DHX8: variants seen among roughly 807,000 people sequenced by gnomAD.
DHX8 encodes DEAH-box helicase 8, also known as ATP-dependent RNA helicase DHX8.
A neutral mutation model predicts 140.7 loss-of-function variants in DHX8; 67 were observed. The observed-to-expected ratio is 0.48, with a 90% CI of 0.39 to 0.58. DHX8 has a LOEUF of 0.58. Among genes scored for constraint, DHX8 ranks in the 20% least tolerant of loss-of-function variants. DHX8 has a pLI of 0.00. For missense variants in DHX8, 887 were observed against 1,550.7 expected, an observed-to-expected ratio of 0.57 and a Z score of 7.19; for synonymous variants, 533 against 553.2, an observed-to-expected ratio of 0.96 and a Z score of 0.51.
downstream of DHX8, chr17:43,529,115 C>G: frequency 6.2e-7 from 1 of 1,612,540 alleles, no homozygotes; most frequent in Non-Finnish European, 8.5e-7. Context: ...CCACCTTGTC[C>G]CTAGACCCAC....
In DHX8 at chr17:43,498,966, A is replaced by G. The variant is rs1270724244; in HGVS notation, c.1398+7A>G. ...CCCCATTAAAATTGTCAAGGTGAGA[A>G]TTACTGGACCTTTAACCTGGAAATG... is the stretch of plus-strand genomic sequence containing the variant. On this transcript the variant is annotated splice_region_variant and intron_variant, in intron 10 of 22. Coordinates refer to ENST00000262415, the MANE Select transcript of DHX8 (RefSeq NM_004941.3). 1 of 1,578,104 alleles carries G rather than the reference A, an allele frequency of 6.3e-7. No homozygotes were observed.
chr17:43,518,498 C>T (rs1348778732), intron 18 of DHX8: 1 of 152,146 alleles, frequency 6.6e-6, no homozygotes, highest in Non-Finnish European at 1.5e-5. Context: ...TCCCTCCCAC[C>T]TAACATGGTA....
chr17:43,530,328 CA>C, downstream of DHX8: 1 of 1,480,114 alleles, frequency 6.8e-7, no homozygotes, highest in Non-Finnish European at 9.0e-7. Flanking sequence ...CTGCCAACCA[CA>C]AAATCCCAGG....
At chr17:43,530,109 A>G (rs769220923), downstream of DHX8, 1 of 1,590,836 alleles carries the variant, frequency 6.3e-7, no homozygotes, top group East Asian at 2.3e-5. Context: ...TGCCTTACCC[A>G]TGGCCCCGTC....
intron 2 of DHX8, among the ~76,000 whole-genome samples, chr17:43,531,996 G>A (rs1970962292): frequency 6.6e-6 from 1 of 152,084 alleles, no homozygotes; most frequent in South Asian, 2.1e-4. Context: ...GCTACCTGAG[G>A]GCAGGATCTA....
chr17:43,512,859 T>C (rs1303835619), intron 16 of DHX8, among the ~76,000 whole-genome samples: 1 of 152,168 alleles, frequency 6.6e-6, no homozygotes, highest in Non-Finnish European at 1.5e-5. Context: ...TGTCATCTCA[T>C]GGTTCATTTT....
At position 43,525,327 on chromosome 17, in the gene DHX8, A is replaced by C; in HGVS notation, c.*1480A>C. ...CAGACACTAAGAGAGACTATGTAACATTCCAGGATATAAAGGAATGTATGT... is the reference window on the plus strand; with the variant it reads ...CAGACACTAAGAGAGACTATGTAACCTTCCAGGATATAAAGGAATGTATGT... On this transcript the variant is annotated 3_prime_UTR_variant, in exon 23 of 23. Transcript: ENST00000262415. 1 of 985,150 alleles carries C rather than the reference A, an allele frequency of 1.0e-6. No homozygotes were observed. Among genetic ancestry groups the C allele is most frequent in the East Asian group, 1.1e-4 (1 of 8,814 alleles). The allele number at this position is 985,150 out of a possible 1,614,324, so 61.0% of individuals were successfully genotyped here. A position where few individuals can be genotyped will look rare whatever the true frequency, so the allele number is the denominator to read the frequency against.
At chr17:43,484,382 C>T (rs1384692766) in intron 1 of DHX8, among the ~76,000 whole-genome samples, 197 bp downstream of exon 1, 1 of 152,160 alleles carries the variant, frequency 6.6e-6, no homozygotes, top group Non-Finnish European at 1.5e-5. Flanking sequence ...TAGAAACTTT[C>T]CCAGAGCTGT....
intron 16 of DHX8, among the ~76,000 whole-genome samples, chr17:43,509,678 T>G (rs144508162): frequency 0.013 from 2,011 of 152,018 alleles, 41 homozygotes; most frequent in African/African-American, 0.044. Flanking sequence ...GTTTTTGTGT[T>G]TTTTTTTGAG....
intron 18 of DHX8, 135 bp from the exon 19 acceptor site, chr17:43,519,995 G>T: frequency 1.1e-6 from 1 of 902,318 alleles, no homozygotes; most frequent in Non-Finnish European, 1.7e-6. Context: ...AGCCCTGGAA[G>T]TTACCGCCAG....
downstream of DHX8, among the ~76,000 whole-genome samples, chr17:43,527,405 C>A (rs1052885964): frequency 4.6e-5 from 7 of 152,186 alleles, no homozygotes; most frequent in African/African-American, 1.7e-4. Flanking sequence ...GGAGGACATG[C>A]AATTGGGGTC....
intron 4 of DHX8, among the ~76,000 whole-genome samples, 186 bp downstream of exon 4, chr17:43,491,436 A>T (rs1968510627): frequency 6.6e-6 from 1 of 152,194 alleles, no homozygotes; most frequent in Non-Finnish European, 1.5e-5. Context: ...TGAGAATGAT[A>T]TTCAAGGGAA....
intron 9 of DHX8, among the ~76,000 whole-genome samples, chr17:43,496,690 G>C (rs1310643013): frequency 6.6e-6 from 1 of 151,884 alleles, no homozygotes; most frequent in Non-Finnish European, 1.5e-5. Flanking sequence ...TGAGGCAGGA[G>C]AATTGCTTGA....
At position 43,494,022 on chromosome 17, in the gene DHX8, C is replaced by T. The variant is rs138000343; in HGVS notation, c.1212+136C>T. On this transcript the variant is annotated intron_variant, in intron 8 of 22. Coordinates refer to ENST00000262415, the MANE Select transcript of DHX8 (RefSeq NM_004941.3). ...TCTGTTTTCACACTCCTGATAAAGA[C>T]GTACCTGAGACTGGGCAATTTACTA... is the stretch of plus-strand genomic sequence containing the variant. The T allele has an allele frequency of 3.3e-3, 2,684 of 816,994 alleles. 7 individuals are homozygous for T. Among genetic ancestry groups the T allele is most frequent in the Non-Finnish European group, 3.8e-3 (2,011 of 523,740 alleles). 50.6% of individuals were successfully genotyped at this position (816,994 alleles called of 1,614,324 possible).
At chr17:43,542,740 G>A (rs940524058) in intron 3 of DHX8, among the ~76,000 whole-genome samples, 2 of 152,118 alleles carry the variant, frequency 1.3e-5, no homozygotes, top group African/African-American at 4.8e-5. Context: ...GTATCTGCCC[G>A]GCTCCAACCT....
At chr17:43,508,548 T>G in intron 16 of DHX8, 28 bp downstream of exon 16, 2 of 1,521,690 alleles carry the variant, frequency 1.3e-6, no homozygotes, top group Non-Finnish European at 1.8e-6. Context: ...GAAGCTTCCA[T>G]GTGCCCTGAA....
downstream of DHX8, chr17:43,530,528 C>A: frequency 1.1e-6 from 1 of 920,908 alleles, no homozygotes; most frequent in Non-Finnish European, 1.5e-6. Context: ...GGAAAGAGTT[C>A]GGTGTCCACG....
chr17:43,513,955 C>T (rs1186153619), intron 17 of DHX8, among the ~76,000 whole-genome samples: 1 of 151,992 alleles, frequency 6.6e-6, no homozygotes, highest in African/African-American at 2.4e-5. Context: ...TCAGATGATC[C>T]ACCCGTCTTG....
intron 11 of DHX8, among the ~76,000 whole-genome samples, chr17:43,503,616 T>C (rs1246709598): frequency 6.6e-6 from 1 of 151,930 alleles, no homozygotes; most frequent in Non-Finnish European, 1.5e-5. Flanking sequence ...TGAGCTGAGA[T>C]CTCGCCACTG....
Sources: gnomAD v4.1 joint callset for allele counts (sites outside exome capture counted in the v4.1 genomes callset) on GRCh38, gnomAD v4.1.1 for gene constraint, MANE v1.5 for transcripts, NCBI Gene and HGNC (gene_info 2026-07-23, HGNC 2026-07-21) for gene names.